The following RALGAPA2 variants were observed in gnomAD, a reference collection of about 807,000 sequenced individuals.
The protein encoded by RALGAPA2 is ral GTPase-activating protein subunit alpha-2.
A neutral mutation model predicts 230.4 loss-of-function variants in RALGAPA2; 139 were observed. That is an observed-to-expected ratio of 0.60 (90% confidence interval 0.53 to 0.69). The LOEUF (loss-of-function observed/expected upper bound fraction) is 0.69. RALGAPA2 is among the 30% of genes least tolerant of loss of function. RALGAPA2 has a pLI of 0.00. For missense variants in RALGAPA2, 2,163 were observed against 2,276.0 expected (o/e 0.95, Z 1.01); for synonymous variants, 847 against 837.8 (o/e 1.01, Z -0.19).
chr20:20,420,759 G>A (rs936455540), intron 37 of RALGAPA2, among the ~76,000 whole-genome samples: 2 of 152,170 alleles, frequency 1.3e-5, no homozygotes, highest in South Asian at 4.1e-4. Context: ...GTGGATTGAG[G>A]AATAGTACCC....
At chr20:20,698,421 C>G (rs551588325) in intron 1 of RALGAPA2, among the ~76,000 whole-genome samples, 1 of 151,956 alleles carries the variant, frequency 6.6e-6, no homozygotes, top group Non-Finnish European at 1.5e-5. Context: ...GATGGAGTCT[C>G]GCTCTGTCAC....
chr20:20,529,663 A>T (rs1298363817), intron 27 of RALGAPA2, among the ~76,000 whole-genome samples: 1 of 152,214 alleles, frequency 6.6e-6, no homozygotes, highest in African/African-American at 2.4e-5. Context: ...TATTTAGTAC[A>T]GTAGTGTGCT....
intron 1 of RALGAPA2, among the ~76,000 whole-genome samples, chr20:20,691,382 C>G (rs1046408945): frequency 6.6e-6 from 1 of 152,136 alleles, no homozygotes; most frequent in Non-Finnish European, 1.5e-5. Context: ...CACAATAAAA[C>G]CCCAGTCTCA....
At position 20,662,987 on chromosome 20, in the gene RALGAPA2, A is replaced by G. The variant is rs2067831751; in HGVS notation, c.271-9400T>C. 2.0e-5 allele frequency among the ~76,000 whole-genome samples: 3 copies of G among 152,362 alleles called. No individual in the cohort carries two copies. The South Asian group carries it at 6.2e-4, about 32-fold the overall frequency. ...GAGGCTGCCAGTGAGGGCAGAAGAC[A>G]GGTGATAAGTGATAGAGAAGGAGGC... On this transcript the variant is annotated intron_variant, in intron 3 of 39. Transcript: ENST00000202677.
intron 37 of RALGAPA2, among the ~76,000 whole-genome samples, chr20:20,420,336 G>A (rs2122853207): frequency 6.6e-6 from 1 of 152,318 alleles, no homozygotes; most frequent in East Asian, 1.9e-4. Flanking sequence ...GGAGGGTCCT[G>A]AGTGTCCTCT....
chr20:20,639,710 AG>A (rs2066968390), intron 7 of RALGAPA2, 74 bp downstream of exon 7: 2 of 1,009,194 alleles, frequency 2.0e-6, no homozygotes, highest in Non-Finnish European at 3.1e-6. Context: ...AGATACACAG[AG>A]GGAAAAGAGG....
chr20:20,452,517 C>G (rs1258276276), intron 37 of RALGAPA2, among the ~76,000 whole-genome samples: 2 of 152,248 alleles, frequency 1.3e-5, no homozygotes, highest in African/African-American at 4.8e-5. Context: ...GGGCTGTCTC[C>G]TCCCGGCGGC....
Position 20,390,999 on chromosome 20 carries a change from T to G in RALGAPA2, c.*2290A>C, listed in dbSNP as rs962972975. 3.9e-5 allele frequency: 6 copies of G among 152,212 alleles called. No homozygotes were observed. The highest frequency in any genetic ancestry group is 2.0e-4 in the Admixed American group (3 of 15,280). The allele number at this position is 152,212 out of a possible 1,614,324, so 9.4% of individuals were successfully genotyped here. A position where few individuals can be genotyped will look rare whatever the true frequency, so the allele number is the denominator to read the frequency against. ...GCTGGTTCGTGAAAGCAAAATGAAATCATGGAGCAGAAGTCCAGGAGAGTT... is the reference window on the plus strand; with the variant it reads ...GCTGGTTCGTGAAAGCAAAATGAAAGCATGGAGCAGAAGTCCAGGAGAGTT... On this transcript the variant is annotated 3_prime_UTR_variant, in exon 40 of 40. Coordinates refer to ENST00000202677, the MANE Select transcript of RALGAPA2 (RefSeq NM_020343.4).
chr20:20,655,980 C>G (rs1362719630), intron 3 of RALGAPA2, among the ~76,000 whole-genome samples: 2 of 152,134 alleles, frequency 1.3e-5, no homozygotes, highest in East Asian at 3.9e-4. Flanking sequence ...TTCTGGACAT[C>G]CTGCCATTTG....
chr20:20,647,795 G>A (rs1199533787), intron 4 of RALGAPA2, among the ~76,000 whole-genome samples: 1 of 151,996 alleles, frequency 6.6e-6, no homozygotes, highest in Non-Finnish European at 1.5e-5. Context: ...ATAAAAAGAT[G>A]CTTAAGATTA....
intron 37 of RALGAPA2, among the ~76,000 whole-genome samples, chr20:20,440,606 G>A (rs1021647296): frequency 2.6e-5 from 4 of 152,180 alleles, no homozygotes; most frequent in African/African-American, 4.8e-5. Flanking sequence ...AAAGACTAGG[G>A]AAGAAAGCCC....
chr20:20,490,215 T>C (rs1205643643), intron 36 of RALGAPA2, among the ~76,000 whole-genome samples: 2 of 152,142 alleles, frequency 1.3e-5, no homozygotes, highest in Non-Finnish European at 2.9e-5. Context: ...AAAGGAATAA[T>C]ACAAATCCCC....
Position 20,531,735 on chromosome 20 carries a change from G to C in RALGAPA2, c.3534C>G (p.Ser1178Arg), listed in dbSNP as rs748154664. Residue 1178 changes from serine to arginine, a missense_variant, in exon 27 of 40, where the codon AGC becomes AGG. By Grantham distance (110) the Ser-to-Arg change is moderately radical. Coordinates refer to ENST00000202677, the MANE Select transcript of RALGAPA2 (RefSeq NM_020343.4). ...WICEELAQCT[S>R]HPQVKEAINV... ...TGATGGCCTCTTTCACCTGAGGGTG[G>C]CTTGTACACTGTGCAAGCTCTTCAC... The C allele has an allele frequency of 6.2e-7, 1 of 1,609,106 alleles. No homozygotes were observed. The highest frequency in any genetic ancestry group is 1.1e-5 in the South Asian group (1 of 89,750).
intron 37 of RALGAPA2, among the ~76,000 whole-genome samples, chr20:20,458,856 CTATA>C (rs200853897): frequency 2.3e-5 from 2 of 88,246 alleles, no homozygotes; most frequent in Non-Finnish European, 4.4e-5. Context: ...ATATATAGAC[CTATA>C]TATATATATA....
intron 16 of RALGAPA2, among the ~76,000 whole-genome samples, chr20:20,595,818 C>T (rs6137072): frequency 0.21 from 32,234 of 151,762 alleles, 3,580 homozygotes; most frequent in East Asian, 0.41. Flanking sequence ...CTGTGCATGG[C>T]ATGCCTGTAA....
intron 3 of RALGAPA2, among the ~76,000 whole-genome samples, chr20:20,669,744 T>C (rs181752594): frequency 7.2e-5 from 11 of 152,346 alleles, no homozygotes; most frequent in East Asian, 1.9e-4. Flanking sequence ...CTGTGTGACA[T>C]GTCTGTTTCT....
intron 37 of RALGAPA2, among the ~76,000 whole-genome samples, chr20:20,466,557 G>T (rs573320050): frequency 6.6e-6 from 1 of 152,272 alleles, no homozygotes; most frequent in East Asian, 1.9e-4. Flanking sequence ...AATTTCTCTG[G>T]ATTGGCTCTG....
intron 23 of RALGAPA2, among the ~76,000 whole-genome samples, chr20:20,551,906 T>C (rs1245752671): frequency 6.6e-6 from 1 of 152,200 alleles, no homozygotes; most frequent in East Asian, 1.9e-4. Flanking sequence ...TCTGGAAGCA[T>C]TTCCATTGTT....
Position 20,653,545 on chromosome 20 carries a change from G to GC in RALGAPA2, c.312dup (p.His105AlafsTer20). 6.7e-7 allele frequency: 1 copy of GC among 1,499,226 alleles called. No homozygotes were observed. The highest frequency in any genetic ancestry group is 9.1e-7 in the Non-Finnish European group (1 of 1,103,586). 92.9% of individuals were successfully genotyped at this position (1,499,226 alleles called of 1,614,324 possible). A position where few individuals can be genotyped will look rare whatever the true frequency, so the allele number is the denominator to read the frequency against. ...TTGTTCTTACCTATACTCTGGTAAT[G>GC]CCATCGAAAGAAAATTCGTTCAGGT... On this transcript the variant is annotated frameshift_variant, in exon 4 of 40. Transcript: ENST00000202677. LOFTEE classifies it high-confidence loss of function.
Sources: gnomAD v4.1 joint callset for allele counts (sites outside exome capture counted in the v4.1 genomes callset) on GRCh38, gnomAD v4.1.1 for gene constraint, MANE v1.5 for transcripts, NCBI Gene and HGNC (gene_info 2026-07-23, HGNC 2026-07-21) for gene names.